The following CCDC18 variants were observed in gnomAD, a reference collection of about 807,000 sequenced individuals.
CCDC18 encodes the protein coiled-coil domain containing 18.
A neutral mutation model predicts 196.0 loss-of-function variants in CCDC18; 157 were observed. That is an observed-to-expected ratio of 0.80 (90% CI 0.70 to 0.91). The LOEUF (loss-of-function observed/expected upper bound fraction) is 0.91. Among genes scored for constraint, CCDC18 ranks in the 40% least tolerant of loss-of-function variants. The pLI, the probability that CCDC18 is intolerant of heterozygous loss-of-function variation, is 0.00. For missense variants in CCDC18, 1,465 were observed against 1,611.6 expected, an observed-to-expected ratio of 0.91 and a Z score of 1.56; for synonymous variants, 482 against 529.2, an observed-to-expected ratio of 0.91 and a Z score of 1.22.
chr1:93,263,320 A>T (rs1279850892), intron 26 of CCDC18, among the ~76,000 whole-genome samples: 3 of 152,122 alleles, frequency 2.0e-5, no homozygotes, highest in Non-Finnish European at 2.9e-5. Context: ...GCCAAGCTGC[A>T]ATTTTTTTTT....
chr1:93,245,170 A>G (rs1661329565), intron 21 of CCDC18, among the ~76,000 whole-genome samples: 1 of 152,220 alleles, frequency 6.6e-6, no homozygotes, highest in African/African-American at 2.4e-5. Flanking sequence ...TTGCAAAATA[A>G]ATAAGTGAAT....
At chr1:93,239,272 T>C in intron 19 of CCDC18, 38 bp from the exon 20 acceptor site, 1 of 1,444,370 alleles carries the variant, frequency 6.9e-7, no homozygotes, top group Non-Finnish European at 9.2e-7. Context: ...GTTGGTTAAG[T>C]TTCTAAATTA....
In CCDC18 at chr1:93,183,499, A is replaced by G; in HGVS notation, c.134+4A>G. On this transcript the variant is annotated splice_donor_region_variant and intron_variant, in intron 2 of 28. Transcript: ENST00000690025. ...GTTTAGGGGAAGAGTTATCCAGGTA[A>G]GTAAGTAAAATCACATATAGAATTC... The G allele has an allele frequency of 1.9e-6, 3 of 1,578,860 alleles. No individual in the cohort carries two copies. The highest frequency in any genetic ancestry group is 2.6e-6 in the Non-Finnish European group (3 of 1,163,664).
chr1:93,212,299 A>T, intron 11 of CCDC18, 38 bp downstream of exon 11: 1 of 1,296,514 alleles, frequency 7.7e-7, no homozygotes, highest in Non-Finnish European at 1.0e-6. Flanking sequence ...TTATATTCAG[A>T]GTTTTGGATG....
chr1:93,223,044 C>A (rs1057331760), intron 16 of CCDC18, among the ~76,000 whole-genome samples: 1 of 152,052 alleles, frequency 6.6e-6, no homozygotes, highest in African/African-American at 2.4e-5. Flanking sequence ...CAGTTCATTT[C>A]CCTGTGTAAG....
rs1665108740 is a variant in CCDC18 at position 93,270,265 on chromosome 1, C to T, written c.3886-82C>T. On this transcript the variant is annotated intron_variant, in intron 27 of 28. Coordinates refer to ENST00000690025, the MANE Select transcript of CCDC18 (RefSeq NM_001378204.1). ...CTATAGTGGGACAAAGGTTGACTTTCTAAAAGTCTATGATTTTCTAAGGAG... is the reference window on the plus strand; with the variant it reads ...CTATAGTGGGACAAAGGTTGACTTTTTAAAAGTCTATGATTTTCTAAGGAG... The T allele has an allele frequency of 3.8e-6, 3 of 783,998 alleles. No individual in the cohort carries two copies. In the Admixed American group the frequency reaches 8.7e-5, roughly 23 times the overall value. The allele number at this position is 783,998 out of a possible 1,614,324, so 48.6% of individuals were successfully genotyped here. A position where few individuals can be genotyped will look rare whatever the true frequency, so the allele number is the denominator to read the frequency against.
chr1:93,256,605 G>A, intron 25 of CCDC18, 67 bp downstream of exon 25: 2 of 1,252,422 alleles, frequency 1.6e-6, no homozygotes, highest in South Asian at 1.3e-5. Flanking sequence ...TTTTTGAACT[G>A]TAGAATATAG....
intron 20 of CCDC18, 98 bp downstream of exon 20, chr1:93,239,571 T>C: frequency 7.0e-7 from 1 of 1,423,794 alleles, no homozygotes; most frequent in Non-Finnish European, 9.6e-7. Flanking sequence ...GAAGGGAAAA[T>C]AAGTGGTATT....
chr1:93,248,544 A>G (rs1024898770), intron 23 of CCDC18, among the ~76,000 whole-genome samples: 1 of 152,162 alleles, frequency 6.6e-6, no homozygotes, highest in East Asian at 1.9e-4. Context: ...TCTTTTAAAA[A>G]TGTCTTTGAA....
intron 27 of CCDC18, among the ~76,000 whole-genome samples, chr1:93,267,386 C>A (rs1664671134): frequency 6.6e-6 from 1 of 152,134 alleles, no homozygotes; most frequent in African/African-American, 2.4e-5. Flanking sequence ...TGGCACAAGA[C>A]AGGGGTGCCC....
intron 21 of CCDC18, among the ~76,000 whole-genome samples, chr1:93,240,699 T>A (rs557437821): frequency 6.6e-6 from 1 of 152,274 alleles, no homozygotes; most frequent in African/African-American, 2.4e-5. Context: ...GTCAGACACT[T>A]CCAAACCCAT....
At chr1:93,251,797 A>T (rs893291497) in intron 23 of CCDC18, among the ~76,000 whole-genome samples, 6 of 151,966 alleles carry the variant, frequency 3.9e-5, no homozygotes, top group Non-Finnish European at 7.4e-5. Flanking sequence ...TGACCTCTTT[A>T]TACCTGCATA....
intron 17 of CCDC18, 147 bp downstream of exon 17, chr1:93,226,596 C>A: frequency 6.8e-6 from 2 of 293,844 alleles, no homozygotes; most frequent in South Asian, 9.0e-5. Flanking sequence ...TACAGTGTCG[C>A]AATCTTGGCT....
chr1:93,239,975 C>G (rs2893242), intron 21 of CCDC18, 79 bp downstream of exon 21: 4 of 1,004,980 alleles, frequency 4.0e-6, no homozygotes, highest in Admixed American at 4.8e-5. Flanking sequence ...GCATTCTAGA[C>G]GTCTAAATTT....
chr1:93,217,791 G>T lies in CCDC18; in HGVS notation c.1884G>T (p.Glu628Asp). 1 of 1,610,070 alleles carries T rather than the reference G, an allele frequency of 6.2e-7. No homozygotes were observed. The highest frequency in any genetic ancestry group is 8.5e-7 in the Non-Finnish European group (1 of 1,176,460). Residue 628 changes from glutamate (E) to aspartate (D), a missense_variant, in exon 14 of 29, where the codon GAG becomes GAT. By Grantham distance (45) the Glu-to-Asp change is conservative. Coordinates refer to ENST00000690025, the MANE Select transcript of CCDC18 (RefSeq NM_001378204.1). ...SLETNINTEH[E>D]KICLAFEKAK... Reference sequence around the variant, plus strand: ...AAACCAATATTAATACAGAGCATGAGAAAATTTGTTTAGCCTTTGAAAAAG... The same window carrying T: ...AAACCAATATTAATACAGAGCATGATAAAATTTGTTTAGCCTTTGAAAAAG...
intron 27 of CCDC18, among the ~76,000 whole-genome samples, chr1:93,269,149 C>T (rs1664935273): frequency 6.6e-6 from 1 of 151,674 alleles, no homozygotes; most frequent in South Asian, 2.1e-4. Flanking sequence ...AGCTGGAAAC[C>T]ATCATCCTGA....
At chr1:93,210,337 ACT>A (rs903680757) in intron 9 of CCDC18, among the ~76,000 whole-genome samples, 15 of 151,880 alleles carry the variant, frequency 9.9e-5, no homozygotes, top group Non-Finnish European at 2.2e-4. Flanking sequence ...TGTCTTATCA[ACT>A]CTATGTTTTT....
intron 17 of CCDC18, among the ~76,000 whole-genome samples, chr1:93,227,957 C>CAAAAA (rs71586784): frequency 0.01 from 1,074 of 105,070 alleles, 26 homozygotes; most frequent in African/African-American, 0.034. Flanking sequence ...GACCCTATCT[C>CAAAAA]AAAAAAAAAA....
chr1:93,271,326 C>T, intron 28 of CCDC18: 2 of 985,084 alleles, frequency 2.0e-6, no homozygotes, highest in African/African-American at 1.7e-5. Flanking sequence ...TATAATTTTT[C>T]ACCCTAAAAT....
Sources: allele counts gnomAD v4.1 joint callset (sites outside exome capture counted in the v4.1 genomes callset), GRCh38; gene constraint gnomAD v4.1.1; transcripts MANE v1.5; gene names NCBI Gene and HGNC (gene_info 2026-07-23, HGNC 2026-07-21).